CHST6: variants seen among roughly 807,000 people sequenced by gnomAD.
CHST6 encodes carbohydrate sulfotransferase 6, also known as N-acetylglucosamine 6-O-sulfotransferase 5.
For missense variants in CHST6, 698 were observed against 586.2 expected, an observed-to-expected ratio of 1.19 and a Z score of -1.97; for synonymous variants, 309 against 276.4, an observed-to-expected ratio of 1.12 and a Z score of -1.17.
chr16:75,491,218 T>TATA (rs1384245947), intron 1 of CHST6, among the ~76,000 whole-genome samples: 2 of 97,670 alleles, frequency 2.0e-5, no homozygotes, highest in Non-Finnish European at 3.9e-5. Context: ...TATATATATA[T>TATA]AAAATATAAT....
At chr16:75,481,956 ACTT>A (rs1377549861) in intron 1 of CHST6, 65 bp from the exon 2 acceptor site, 1 of 432,456 alleles carries the variant, frequency 2.3e-6, no homozygotes, top group Non-Finnish European at 4.7e-6. Context: ...AAGCGACACA[ACTT>A]CTCTGAGGCT....
rs2080111049 is a variant in CHST6, at chr16:75,479,468, A to G, written c.361T>C (p.Phe121Leu). ...AGTGCACGGCTCACGGCCCACTGGAAGAGGTCGGACAGGTTGCGGCGCCAA... is the reference window on the plus strand; with the variant it reads ...AGTGCACGGCTCACGGCCCACTGGAGGAGGTCGGACAGGTTGCGGCGCCAA... Reference protein sequence around the residue: ...LPWRRNLSDLFQWAVSRALCS... With the variant: ...LPWRRNLSDLLQWAVSRALCS... Residue 121 changes from phenylalanine to leucine, a missense_variant, in exon 3 of 3, where the codon TTC (phenylalanine) becomes CTC (leucine). Transcript: ENST00000332272. 1 of 1,612,928 alleles carries G rather than the reference A, an allele frequency of 6.2e-7. No individual in the cohort carries two copies. The highest frequency in any genetic ancestry group is 8.5e-7 in the Non-Finnish European group (1 of 1,179,872).
chr16:75,485,538 A>G (rs2080187140), intron 1 of CHST6, among the ~76,000 whole-genome samples: 2 of 152,228 alleles, frequency 1.3e-5, no homozygotes. Flanking sequence ...CTCACAGCTG[A>G]AGTACTGAGA....
chr16:75,486,504 C>T (rs1355850190), intron 1 of CHST6, among the ~76,000 whole-genome samples: 1 of 152,240 alleles, frequency 6.6e-6, no homozygotes, highest in Non-Finnish European at 1.5e-5. Context: ...CTCTATATTC[C>T]ACACACTGAC....
chr16:75,479,101 C>A lies in CHST6; in HGVS notation c.728G>T (p.Arg243Leu), dbSNP rs562537336. ...VEADPGLRVV[R>L]EVCRSHVRIA... ...GCGTACGTGGCTACGGCACACCTCGCGCACCACGCGCAGGCCGGGGTCGGC... is the reference window on the plus strand; with the variant it reads ...GCGTACGTGGCTACGGCACACCTCGAGCACCACGCGCAGGCCGGGGTCGGC... The change falls in exon 3 of 3, where the codon CGC becomes CTC. Residue 243 changes from arginine (R) to leucine (L), a missense_variant. Coordinates refer to ENST00000332272, the MANE Select transcript of CHST6 (RefSeq NM_021615.5). 28 of 1,604,724 alleles carry A rather than the reference C, an allele frequency of 1.7e-5. No individual in the cohort carries two copies. Among genetic ancestry groups the A allele is most frequent in the African/African-American group, 6.7e-5 (5 of 74,976 alleles).
At chr16:75,491,165 TAAAAAAAAAAAAAAAAAAA>T (rs1168619782) in intron 1 of CHST6, among the ~76,000 whole-genome samples, 2 of 26,378 alleles carry the variant, frequency 7.6e-5, no homozygotes, top group African/African-American at 2.3e-4. Flanking sequence ...AACTCCGTCT[TAAAAAAAAAAAAAAAAAAA>T]AAAAAAATAT....
At chr16:75,486,866 T>C (rs1567413664) in intron 1 of CHST6, among the ~76,000 whole-genome samples, 1 of 152,180 alleles carries the variant, frequency 6.6e-6, no homozygotes, top group Non-Finnish European at 1.5e-5. Flanking sequence ...GCAGAGCTTC[T>C]GGGGGCTGGC....
chr16:75,488,779 T>C (rs1035959365), intron 1 of CHST6, among the ~76,000 whole-genome samples: 1 of 150,274 alleles, frequency 6.7e-6, no homozygotes, highest in South Asian at 2.1e-4. Context: ...AGGTCTGTAA[T>C]GGGAGGCTGA....
chr16:75,489,174 G>A (rs569042850), intron 1 of CHST6, among the ~76,000 whole-genome samples: 5 of 151,836 alleles, frequency 3.3e-5, no homozygotes, highest in African/African-American at 7.3e-5. Flanking sequence ...CGAGGCGGGC[G>A]GATTACCTGA....
Position 75,476,395 on chromosome 16 carries a change from A to C in CHST6, c.*2246T>G, listed in dbSNP as rs1476101490. ...GGTGAAACCCAGTGTCTACAAAAAT[A>C]CAAAAATTAGCTGGGCATGGTGGTG... On this transcript the variant is annotated 3_prime_UTR_variant, in exon 3 of 3. Transcript: ENST00000332272. 1 of 151,322 alleles carries C rather than the reference A, an allele frequency of 6.6e-6. No individual in the cohort carries two copies. Among genetic ancestry groups the C allele is most frequent in the African/African-American group, 2.4e-5 (1 of 41,220 alleles). The allele number at this position is 151,322 out of a possible 1,614,324, so 9.4% of individuals were successfully genotyped here. A position where few individuals can be genotyped will look rare whatever the true frequency, so the allele number is the denominator to read the frequency against.
chr16:75,486,525 C>A (rs527301659), intron 1 of CHST6, among the ~76,000 whole-genome samples: 3 of 152,360 alleles, frequency 2.0e-5, no homozygotes, highest in South Asian at 2.1e-4. Flanking sequence ...CCTGCCCCCC[C>A]AGCCCACACA....
intron 1 of CHST6, among the ~76,000 whole-genome samples, chr16:75,490,459 C>A (rs1321151832): frequency 6.6e-6 from 1 of 151,938 alleles, no homozygotes; most frequent in Admixed American, 6.6e-5. Context: ...GCCTGGGCAA[C>A]AAGAGTGAAA....
Position 75,477,185 on chromosome 16 carries a change from T to C in CHST6, c.*1456A>G, listed in dbSNP as rs561328910. 1.3e-5 allele frequency: 2 copies of C among 152,388 alleles called. No individual in the cohort carries two copies. The highest frequency in any genetic ancestry group is 2.4e-5 in the African/African-American group (1 of 41,598). 9.4% of individuals were successfully genotyped at this position (152,388 alleles called of 1,614,324 possible). On this transcript the variant is annotated 3_prime_UTR_variant, in exon 3 of 3. Coordinates refer to ENST00000332272, the MANE Select transcript of CHST6 (RefSeq NM_021615.5). ...TTGTCACGAGGGACAGATTCAAGTTTCATTTGGTTGAAGCTTCTAAACCTG... is the reference window on the plus strand; with the variant it reads ...TTGTCACGAGGGACAGATTCAAGTTCCATTTGGTTGAAGCTTCTAAACCTG...
In CHST6 at chr16:75,475,747, T is replaced by C. The variant is rs1433582694; in HGVS notation, c.*2894A>G. 1 of 152,124 alleles carries C rather than the reference T, an allele frequency of 6.6e-6. No homozygotes were observed. Among genetic ancestry groups the C allele is most frequent in the Non-Finnish European group, 1.5e-5 (1 of 68,030 alleles). 9.4% of individuals were successfully genotyped at this position (152,124 alleles called of 1,614,324 possible). A position where few individuals can be genotyped will look rare whatever the true frequency, so the allele number is the denominator to read the frequency against. Reference sequence around the variant, plus strand: ...TGACACCTTGGGAGTCAGGGGAGAATGGATGGGTCATACAACAAAGGACTT... The same window carrying C: ...TGACACCTTGGGAGTCAGGGGAGAACGGATGGGTCATACAACAAAGGACTT... On this transcript the variant is annotated 3_prime_UTR_variant, in exon 3 of 3. Coordinates refer to ENST00000332272, the MANE Select transcript of CHST6 (RefSeq NM_021615.5).
chr16:75,481,655 C>T (rs550699248), intron 2 of CHST6, among the ~76,000 whole-genome samples, 162 bp downstream of exon 2: 5 of 152,272 alleles, frequency 3.3e-5, no homozygotes, highest in African/African-American at 1.2e-4. Context: ...GTTGCCATCA[C>T]CGGTAGGGGG....
At chr16:75,488,742 G>A (rs2080227210) in intron 1 of CHST6, among the ~76,000 whole-genome samples, 1 of 152,018 alleles carries the variant, frequency 6.6e-6, no homozygotes, top group African/African-American at 2.4e-5. Flanking sequence ...CCAGCACTTT[G>A]GGAGGCCAAG....
intron 1 of CHST6, among the ~76,000 whole-genome samples, chr16:75,487,965 T>C (rs560432261): frequency 5.3e-5 from 8 of 152,054 alleles, no homozygotes; most frequent in Non-Finnish European, 7.4e-5. Flanking sequence ...CACTGCACTC[T>C]AGCCTGGCAA....
In CHST6 at chr16:75,476,964, G is replaced by C. The variant is rs2080072724; in HGVS notation, c.*1677C>G. On this transcript the variant is annotated 3_prime_UTR_variant, in exon 3 of 3. Coordinates refer to ENST00000332272, the MANE Select transcript of CHST6 (RefSeq NM_021615.5). ...TCGCCATGTTGGCCAGGCTGTTCTT[G>C]AATGCCTGACCTCAGGTGATTCATC... 1.3e-5 allele frequency: 2 copies of C among 152,108 alleles called. No homozygotes were observed. The highest frequency in any genetic ancestry group is 2.9e-5 in the Non-Finnish European group (2 of 68,040). 9.4% of individuals were successfully genotyped at this position (152,108 alleles called of 1,614,324 possible).
rs914527167 is a variant in CHST6 at position 75,472,998 on chromosome 16, CA to C, written c.*5642del. The C allele has an allele frequency of 4.7e-5, 7 of 150,312 alleles. No homozygotes were observed. The highest frequency in any genetic ancestry group is 1.8e-4 in the African/African-American group (7 of 39,914). The allele number at this position is 150,312 out of a possible 1,614,324, so 9.3% of individuals were successfully genotyped here. ...TACAGGTAAGGGGAGACACTAATTA[CA>C]GCCCTACCAGCAGGGAGGGAGCCTG... On this transcript the variant is annotated 3_prime_UTR_variant, in exon 3 of 3. Coordinates refer to ENST00000332272, the MANE Select transcript of CHST6 (RefSeq NM_021615.5).
Sources: gnomAD v4.1 joint callset for allele counts (sites outside exome capture counted in the v4.1 genomes callset) on GRCh38, gnomAD v4.1.1 for gene constraint, MANE v1.5 for transcripts, NCBI Gene and HGNC (gene_info 2026-07-23, HGNC 2026-07-21) for gene names.